Variants in PFKP observed in about 807,000 individuals in gnomAD.
The protein encoded by PFKP is phosphofructokinase, platelet.
A neutral mutation model predicts 94.3 loss-of-function variants in PFKP; 101 were observed. The observed-to-expected ratio is 1.07, with a 90% CI of 0.91 to 1.26. The LOEUF (loss-of-function observed/expected upper bound fraction) is 1.26. Among genes scored for constraint, PFKP ranks in the 50% most tolerant of loss-of-function variants. PFKP has a pLI of 0.00. For synonymous variants in PFKP, 573 were observed against 432.6 expected, an observed-to-expected ratio of 1.32 and a Z score of -4.03; for missense variants, 1,145 against 1,103.3, an observed-to-expected ratio of 1.04 and a Z score of -0.53.
intron 16 of PFKP, among the ~76,000 whole-genome samples, chr10:3,122,067 CCT>C (rs10606110): frequency 0.26 from 39,485 of 151,796 alleles, 5,177 homozygotes; most frequent in South Asian, 0.29. Context: ...AAGCAATCCC[CCT>C]GTCTTGGGCT....
chr10:3,120,124 G>T, intron 16 of PFKP, 80 bp downstream of exon 16: 1 of 1,093,124 alleles, frequency 9.1e-7, no homozygotes, highest in Non-Finnish European at 1.4e-6. Flanking sequence ...CTACCAGTGC[G>T]CTAGAAATAG....
intron 7 of PFKP, among the ~76,000 whole-genome samples, chr10:3,105,705 T>G (rs1339240007): frequency 6.6e-6 from 1 of 152,216 alleles, no homozygotes. Flanking sequence ...AGAGGTTTCA[T>G]TTAAGACCTG....
intron 20 of PFKP, among the ~76,000 whole-genome samples, chr10:3,135,098 A>G (rs1200679197): frequency 1.3e-5 from 2 of 152,206 alleles, no homozygotes; most frequent in Non-Finnish European, 1.5e-5. Context: ...TTCAAGAAAC[A>G]TGACTTTTTT....
chr10:3,081,085 G>A (rs191457605), intron 1 of PFKP, among the ~76,000 whole-genome samples: 1 of 152,242 alleles, frequency 6.6e-6, no homozygotes, highest in Admixed American at 6.5e-5. Context: ...ATAAGACTAT[G>A]TAATATATAT....
At chr10:3,132,472 C>A (rs1215306871) in intron 18 of PFKP, 31 bp downstream of exon 18, 3 of 1,450,816 alleles carry the variant, frequency 2.1e-6, no homozygotes, top group South Asian at 1.1e-5. Context: ...GCTGATCTTA[C>A]CCTCACCGCC....
chr10:3,112,782 G>A (rs1161290114), intron 11 of PFKP, among the ~76,000 whole-genome samples: 1 of 152,192 alleles, frequency 6.6e-6, no homozygotes, highest in Non-Finnish European at 1.5e-5. Flanking sequence ...TGGCCAGGCT[G>A]GTCTCAAATT....
rs763495305 is a variant in PFKP at position 3,103,769 on chromosome 10, C to T, written c.455-10C>T. ...ACGGCGATGAGACGTGCTGTTTGCT[C>T]CCCGCGCAGGCCAGATCGATAAGGA... On this transcript the variant is annotated splice_polypyrimidine_tract_variant and intron_variant, in intron 4 of 21. Transcript: ENST00000381125. The T allele has an allele frequency of 6.2e-7, 1 of 1,613,672 alleles. No individual in the cohort carries two copies. Among genetic ancestry groups the T allele is most frequent in the Non-Finnish European group, 8.5e-7 (1 of 1,179,940 alleles).
chr10:3,109,406 G>T lies in PFKP; in HGVS notation c.1015G>T (p.Asp339Tyr). The T allele has an allele frequency of 6.2e-7, 1 of 1,610,578 alleles. No individual in the cohort carries two copies. ...CATCGCCTTGCTAGAGGCCACCCCGGACACCCCAGCTTGCGTCGTGTCACT... is the reference window on the plus strand; with the variant it reads ...CATCGCCTTGCTAGAGGCCACCCCGTACACCCCAGCTTGCGTCGTGTCACT... ...AVIALLEATP[D>Y]TPACVVSLNG... Residue 339 changes from aspartate to tyrosine, a missense_variant, in exon 10 of 22, where the codon GAC becomes TAC. Physicochemically the swap from Asp to Tyr is radical, Grantham distance 160 (BLOSUM62 -3). Transcript: ENST00000381125.
intron 3 of PFKP, chr10:3,100,947 A>T (rs1834941477): frequency 6.2e-7 from 1 of 1,609,572 alleles, no homozygotes; most frequent in Non-Finnish European, 8.5e-7. Context: ...CTGGAGGGAG[A>T]AGCCTGGCTG....
chr10:3,135,678 C>A (rs1170147816), intron 20 of PFKP, 58 bp from the exon 21 acceptor site: 3 of 1,043,932 alleles, frequency 2.9e-6, no homozygotes, highest in Non-Finnish European at 4.4e-6. Flanking sequence ...CGTGATTCTG[C>A]TCCCCCACCT....
intron 16 of PFKP, 97 bp from the exon 17 acceptor site, chr10:3,129,722 T>C (rs1324888056): frequency 2.3e-5 from 30 of 1,283,674 alleles, no homozygotes; most frequent in South Asian, 1.9e-4. Flanking sequence ...TTGGGCGCGG[T>C]GGGGGGGCCT....
Position 3,118,818 on chromosome 10 carries a change from A to G in PFKP, c.1479A>G (p.Thr493=), listed in dbSNP as rs370702792. ...LPGKYLEEIA[T]QMRTHSINAL... Reference sequence around the variant, plus strand: ...GGAAGTACTTGGAAGAGATCGCCACACAGATGCGCACGCACAGCATCAACG... The same window carrying G: ...GGAAGTACTTGGAAGAGATCGCCACGCAGATGCGCACGCACAGCATCAACG... The change falls in exon 15 of 22, where the codon ACA becomes ACG. Residue 493 remains threonine (T), a synonymous_variant. Transcript: ENST00000381125. The G allele has an allele frequency of 2.2e-5, 35 of 1,613,892 alleles. No homozygotes were observed. The highest frequency in any genetic ancestry group is 2.9e-5 in the Non-Finnish European group (34 of 1,179,892).
chr10:3,107,979 G>T (rs772371268), intron 8 of PFKP: 2 of 1,289,696 alleles, frequency 1.6e-6, no homozygotes, highest in South Asian at 2.5e-5. Context: ...TTTGCAAGTC[G>T]GCTTCTTTAT....
At chr10:3,117,585 C>T (rs7915264) in intron 14 of PFKP, among the ~76,000 whole-genome samples, 3 of 152,218 alleles carry the variant, frequency 2.0e-5, no homozygotes, top group African/African-American at 7.2e-5. Context: ...CCCTGGTACT[C>T]CCAGCCACTG....
chr10:3,082,472 GC>G lies in PFKP; in HGVS notation c.186+15del. 1 of 1,594,352 alleles carries G rather than the reference GC, an allele frequency of 6.3e-7. No individual in the cohort carries two copies. Among genetic ancestry groups the G allele is most frequent in the Non-Finnish European group, 8.6e-7 (1 of 1,166,504 alleles). ...TACTTCATCTACGAGGTCAGTGTCT[GC>G]CCCTCACCCCCTGTCGCCCTTCTTC... On this transcript the variant is annotated intron_variant, in intron 2 of 21. Transcript: ENST00000381125.
At chr10:3,129,768 G>A (rs775260738) in intron 16 of PFKP, 51 bp from the exon 17 acceptor site, 2 of 1,596,900 alleles carry the variant, frequency 1.3e-6, no homozygotes, top group South Asian at 1.1e-5. Flanking sequence ...CTGGGATGGT[G>A]GGCGCGCCCC....
Position 3,126,740 on chromosome 10 carries a change from T to C in PFKP, c.1684-3079T>C, listed in dbSNP as rs113238431. On this transcript the variant is annotated intron_variant, in intron 16 of 21. Coordinates refer to ENST00000381125, the MANE Select transcript of PFKP (RefSeq NM_002627.5). ...ACGCCACCTTTTCTTTCACCACCAA[T>C]TTATATTTCTTAACACCCATGGAGC... Among the ~76,000 whole-genome samples the C allele has an allele frequency of 4.8e-3, 727 of 152,358 alleles. 6 individuals are homozygous for C. The highest frequency in any genetic ancestry group is 0.017 in the African/African-American group (687 of 41,582).
intron 16 of PFKP, among the ~76,000 whole-genome samples, chr10:3,121,831 C>CTTTTTTTTTTT (rs71497862): frequency 2.9e-5 from 1 of 34,556 alleles, no homozygotes; most frequent in Non-Finnish European, 5.7e-5. Flanking sequence ...TTTTTTTTTT[C>CTTTTTTTTTTT]TTTTTTTGGA....
intron 3 of PFKP, among the ~76,000 whole-genome samples, chr10:3,100,364 G>A (rs1316370060): frequency 1.3e-5 from 2 of 152,118 alleles, no homozygotes; most frequent in Admixed American, 6.5e-5. Flanking sequence ...ACGTAGGATC[G>A]TGTGGAGTGA....
Sources: gnomAD v4.1 joint callset for allele counts (sites outside exome capture counted in the v4.1 genomes callset) on GRCh38, gnomAD v4.1.1 for gene constraint, MANE v1.5 for transcripts, NCBI Gene and HGNC (gene_info 2026-07-23, HGNC 2026-07-21) for gene names.